The following KCNAB1 variants were observed in gnomAD, a reference collection of about 807,000 sequenced individuals.
KCNAB1 encodes the protein voltage-gated potassium channel subunit beta-1.
In KCNAB1, 35 loss-of-function variants were observed where a neutral mutation model predicts 64.6. That is an observed-to-expected ratio of 0.54 (90% confidence interval 0.41 to 0.72). KCNAB1 has a LOEUF of 0.72. KCNAB1 is among the 30% of genes least tolerant of loss of function. KCNAB1 has a pLI of 0.00. For synonymous variants in KCNAB1, 177 were observed against 183.8 expected (o/e 0.96, Z 0.30); for missense variants, 401 against 512.9 (o/e 0.78, Z 2.11).
intron 1 of KCNAB1, among the ~76,000 whole-genome samples, chr3:156,302,882 T>A (rs963748655): frequency 1.3e-5 from 2 of 152,214 alleles, no homozygotes; most frequent in Non-Finnish European, 2.9e-5. Flanking sequence ...ATTTCATGAC[T>A]GTAATCAGTG....
intron 1 of KCNAB1, among the ~76,000 whole-genome samples, chr3:156,312,931 C>T (rs573492518): frequency 5.3e-4 from 81 of 152,216 alleles, no homozygotes; most frequent in African/African-American, 1.7e-3. Context: ...CTGGCTCCAG[C>T]TGGATCAACT....
At chr3:156,511,178 ACTG>A (rs1334926273) in intron 8 of KCNAB1, among the ~76,000 whole-genome samples, 5 of 151,690 alleles carry the variant, frequency 3.3e-5, no homozygotes, top group Non-Finnish European at 4.4e-5. Flanking sequence ...ATCTCGGCTT[ACTG>A]CGAGCTCCAC....
chr3:156,428,488 T>TATACACACACACACACAC (rs1257782168), intron 2 of KCNAB1, among the ~76,000 whole-genome samples: 2 of 127,568 alleles, frequency 1.6e-5, no homozygotes, highest in South Asian at 2.8e-4. Flanking sequence ...AATTCCTCTA[T>TATACACACACACACACAC]ACACACACAC....
At chr3:156,483,493 A>G (rs1714980910) in intron 8 of KCNAB1, among the ~76,000 whole-genome samples, 8 of 152,036 alleles carry the variant, frequency 5.3e-5, no homozygotes, top group Admixed American at 5.3e-4. Context: ...TTCAGCATGC[A>G]CATTCTCTAC....
chr3:156,420,381 A>AT (rs1368495426), intron 1 of KCNAB1, among the ~76,000 whole-genome samples: 7 of 152,336 alleles, frequency 4.6e-5, no homozygotes, highest in African/African-American at 1.7e-4. Flanking sequence ...ATTTTTATGC[A>AT]TTTTTTATTA....
At chr3:156,290,834 G>A (rs867487487) in intron 1 of KCNAB1, among the ~76,000 whole-genome samples, 1 of 152,224 alleles carries the variant, frequency 6.6e-6, no homozygotes, top group Non-Finnish European at 1.5e-5. Context: ...AGTTAGCAGA[G>A]TTGATTCCAA....
chr3:156,274,326 T>C (rs141468183), intron 1 of KCNAB1, among the ~76,000 whole-genome samples: 114 of 152,346 alleles, frequency 7.5e-4, no homozygotes, highest in African/African-American at 2.6e-3. Context: ...TCCCTGTTCC[T>C]GCCCTGCTCT....
At chr3:156,347,959 C>T (rs1396096884) in intron 1 of KCNAB1, among the ~76,000 whole-genome samples, 1 of 152,126 alleles carries the variant, frequency 6.6e-6, no homozygotes, top group Non-Finnish European at 1.5e-5. Context: ...ACATATGAAT[C>T]ATCTAACAAG....
At chr3:156,378,160 G>A (rs1560226513) in intron 1 of KCNAB1, among the ~76,000 whole-genome samples, 1 of 152,164 alleles carries the variant, frequency 6.6e-6, no homozygotes, top group Non-Finnish European at 1.5e-5. Flanking sequence ...GGGTAGAGAA[G>A]TAAAGACGAG....
At chr3:156,142,913 A>C (rs1229723907) in intron 1 of KCNAB1, 1 of 980,360 alleles carries the variant, frequency 1.0e-6, no homozygotes, top group East Asian at 5.8e-5. Context: ...TTTGACTCTG[A>C]GTACTTTAAA....
chr3:156,399,439 G>A (rs963208110), intron 1 of KCNAB1, among the ~76,000 whole-genome samples: 1 of 152,146 alleles, frequency 6.6e-6, no homozygotes, highest in Non-Finnish European at 1.5e-5. Flanking sequence ...CCGAATATGT[G>A]CTAGGAATCC....
chr3:156,338,564 G>A (rs915095818), intron 1 of KCNAB1, among the ~76,000 whole-genome samples: 1 of 151,954 alleles, frequency 6.6e-6, no homozygotes, highest in Admixed American at 6.6e-5. Flanking sequence ...CACCCACCTT[G>A]GCCTCCCAAA....
intron 1 of KCNAB1, chr3:156,176,959 ATTTTT>A: frequency 1.4e-6 from 1 of 705,398 alleles, no homozygotes; most frequent in Admixed American, 2.3e-5. Context: ...ACCTGCCTCC[ATTTTT>A]GTGCCACTTC....
chr3:156,336,683 G>A (rs1723737960), intron 1 of KCNAB1, among the ~76,000 whole-genome samples: 2 of 152,306 alleles, frequency 1.3e-5, no homozygotes, highest in Admixed American at 6.5e-5. Context: ...CAGATTCTAA[G>A]GGAGTGTTCT....
rs75431089 is a variant in KCNAB1, at chr3:156,406,187, A to T, written c.276-15429A>T. On this transcript the variant is annotated intron_variant, in intron 1 of 13. Transcript: ENST00000490337. ...TTATAAAATTGAAGAAATAAAAGTT[A>T]TAGTGAATACAAGACTGTAGAGGAG... is the stretch of plus-strand genomic sequence containing the variant. Among the ~76,000 whole-genome samples the T allele has an allele frequency of 5.3e-4, 81 of 152,360 alleles. 1 individual carries two copies. The East Asian group carries it at 0.013, about 25-fold the overall frequency.
chr3:156,176,997 T>C, intron 1 of KCNAB1: 1 of 628,872 alleles, frequency 1.6e-6, no homozygotes, highest in Admixed American at 2.7e-5. Context: ...CTCCCATCCC[T>C]CAGTGCATAG....
At chr3:156,484,430 CAG>C (rs1391859581) in intron 8 of KCNAB1, among the ~76,000 whole-genome samples, 1 of 152,086 alleles carries the variant, frequency 6.6e-6, no homozygotes, top group Non-Finnish European at 1.5e-5. Flanking sequence ...AGGTGAAAAA[CAG>C]AGCTGCTTAG....
chr3:156,459,975 A>T (rs1226824658), intron 5 of KCNAB1, 104 bp downstream of exon 5: 2 of 763,684 alleles, frequency 2.6e-6, no homozygotes, highest in Non-Finnish European at 4.4e-6. Context: ...TGTCAAAAAA[A>T]ATCAACTGTT....
At chr3:156,267,858 C>A in intron 1 of KCNAB1, among the ~76,000 whole-genome samples, 1 of 152,038 alleles carries the variant, frequency 6.6e-6, no homozygotes, top group South Asian at 2.1e-4. Flanking sequence ...AGGTAATCAC[C>A]TTGAGCATTT....
Sources: gnomAD v4.1 joint callset for allele counts (sites outside exome capture counted in the v4.1 genomes callset) on GRCh38, gnomAD v4.1.1 for gene constraint, MANE v1.5 for transcripts, NCBI Gene and HGNC (gene_info 2026-07-23, HGNC 2026-07-21) for gene names.